FAT3: variants seen among roughly 807,000 people sequenced by gnomAD.
FAT3 encodes the protein FAT atypical cadherin 3, also known as protocadherin Fat 3.
In FAT3, 95 loss-of-function variants were observed where a neutral mutation model predicts 310.2. That is an observed-to-expected ratio of 0.31 (90% CI 0.26 to 0.36). FAT3 has a LOEUF of 0.36. FAT3 is among the 10% of genes least tolerant of loss of function. The pLI is 1.00. For synonymous variants in FAT3, 2,314 were observed against 2,192.9 expected (o/e 1.06, Z -1.54); for missense variants, 5,408 against 5,715.6 (o/e 0.95, Z 1.74).
intron 1 of FAT3, among the ~76,000 whole-genome samples, chr11:92,327,484 C>T (rs189483819): frequency 2.0e-5 from 3 of 152,292 alleles, no homozygotes; most frequent in South Asian, 2.1e-4. Context: ...ATTTTAAAAA[C>T]GCTTACTAGT....
chr11:92,245,345 G>T (rs1045786717), intron 1 of FAT3, among the ~76,000 whole-genome samples: 54 of 151,796 alleles, frequency 3.6e-4, no homozygotes, highest in Non-Finnish European at 3.5e-4. Flanking sequence ...CTGTCGGGGG[G>T]TGGCGGGCTA....
intron 6 of FAT3, 47 bp from the exon 7 acceptor site, chr11:92,773,994 A>G (rs773822417): frequency 1.2e-6 from 2 of 1,604,896 alleles, no homozygotes; most frequent in Non-Finnish European, 8.5e-7. Context: ...TAATGCATGT[A>G]ACAAGTTATC....
chr11:92,390,154 TGTAAA>T, intron 2 of FAT3, among the ~76,000 whole-genome samples: 1 of 152,098 alleles, frequency 6.6e-6, no homozygotes, highest in East Asian at 1.9e-4. Context: ...ATAAAGTTCT[TGTAAA>T]GTCAGGAATA....
At chr11:92,693,677 A>G (rs1943858502) in intron 3 of FAT3, among the ~76,000 whole-genome samples, 1 of 152,196 alleles carries the variant, frequency 6.6e-6, no homozygotes, top group Non-Finnish European at 1.5e-5. Context: ...GCTCATCGTA[A>G]GTAGGTACTT....
At position 92,735,312 on chromosome 11, in the gene FAT3, A is replaced by G. The variant is rs567294553; in HGVS notation, c.3670-26544A>G. Among the ~76,000 whole-genome samples the G allele has an allele frequency of 1.1e-4, 16 of 152,268 alleles. No individual in the cohort carries two copies. In the South Asian group the frequency reaches 3.3e-3, roughly 32 times the overall value. On this transcript the variant is annotated intron_variant, in intron 4 of 27. Coordinates refer to ENST00000525166, the MANE Select transcript of FAT3 (RefSeq NM_001367949.2). ...GGAGTTTTCAGAGAATAATCATGGC[A>G]GTTCACATAAGGGTCTTTCCTGGAA...
intron 4 of FAT3, among the ~76,000 whole-genome samples, chr11:92,756,838 G>GT (rs1376360671): frequency 6.8e-6 from 1 of 147,750 alleles, no homozygotes; most frequent in African/African-American, 2.5e-5. Context: ...GTTTCTTGTT[G>GT]TAATTGTCCT....
chr11:92,691,070 C>T (rs1370028876), intron 3 of FAT3, among the ~76,000 whole-genome samples: 2 of 152,150 alleles, frequency 1.3e-5, no homozygotes, highest in African/African-American at 4.8e-5. Context: ...CACTGCCGGG[C>T]ACAGAACCAT....
intron 1 of FAT3, among the ~76,000 whole-genome samples, chr11:92,297,104 A>T (rs980951222): frequency 3.9e-5 from 6 of 152,102 alleles, no homozygotes; most frequent in African/African-American, 1.4e-4. Context: ...GAAGAATTAG[A>T]TGGTTCACAG....
intron 9 of FAT3, among the ~76,000 whole-genome samples, chr11:92,793,392 G>T (rs978471994): frequency 6.6e-6 from 1 of 152,202 alleles, no homozygotes; most frequent in South Asian, 2.1e-4. Context: ...GTGAATAGGT[G>T]GTCTGTGGGC....
intron 1 of FAT3, among the ~76,000 whole-genome samples, chr11:92,320,869 CAA>C (rs1555010869): frequency 2.9e-5 from 3 of 104,736 alleles, no homozygotes; most frequent in African/African-American, 5.2e-5. Context: ...AACTCCATCT[CAA>C]AAAAAAAAAG....
intron 19 of FAT3, among the ~76,000 whole-genome samples, chr11:92,854,970 C>T (rs1009384369): frequency 1.3e-5 from 2 of 152,198 alleles, no homozygotes; most frequent in Non-Finnish European, 2.9e-5. Flanking sequence ...TGTTTCCATA[C>T]GTACTTGAAA....
At chr11:92,596,011 G>A (rs1256170038) in intron 3 of FAT3, among the ~76,000 whole-genome samples, 1 of 152,138 alleles carries the variant, frequency 6.6e-6, no homozygotes, top group African/African-American at 2.4e-5. Context: ...GGAGGGGATT[G>A]GAGTGACAGA....
At chr11:92,637,163 T>C (rs1212929068) in intron 3 of FAT3, among the ~76,000 whole-genome samples, 3 of 152,150 alleles carry the variant, frequency 2.0e-5, no homozygotes, top group Non-Finnish European at 4.4e-5. Context: ...AGACATTTCC[T>C]CTCTCACAAA....
At position 92,800,703 on chromosome 11, in the gene FAT3, C is replaced by T. The variant is rs1464232691; in HGVS notation, c.7690C>T (p.Leu2564=). The change falls in exon 10 of 28, where the codon CTA becomes TTA. Residue 2564 remains leucine (L), a synonymous_variant. Transcript: ENST00000525166. ...TTERLDRENP[L]EGDVSIFVRA... Reference sequence around the variant, plus strand: ...AGAAAGGCTAGACCGGGAAAACCCTCTAGAAGGGGATGTTAGTATTTTTGT... The same window carrying T: ...AGAAAGGCTAGACCGGGAAAACCCTTTAGAAGGGGATGTTAGTATTTTTGT... 1.2e-6 allele frequency: 2 copies of T among 1,613,682 alleles called. No homozygotes were observed. The highest frequency in any genetic ancestry group is 2.7e-5 in the African/African-American group (2 of 74,902).
At chr11:92,610,776 A>G (rs138795732) in intron 3 of FAT3, among the ~76,000 whole-genome samples, 1 of 152,298 alleles carries the variant, frequency 6.6e-6, no homozygotes, top group African/African-American at 2.4e-5. Context: ...GCTTCACAGA[A>G]TAAAGACCAT....
chr11:92,889,569 C>T (rs189210273), intron 26 of FAT3, among the ~76,000 whole-genome samples: 1 of 152,282 alleles, frequency 6.6e-6, no homozygotes, highest in Non-Finnish European at 1.5e-5. Flanking sequence ...AGCTGGGAAT[C>T]CTTAAGAAAT....
intron 4 of FAT3, among the ~76,000 whole-genome samples, chr11:92,755,609 G>A (rs2676161): frequency 0.79 from 120,641 of 152,208 alleles, 48,075 homozygotes; most frequent in Admixed American, 0.83. Flanking sequence ...GCCATTCCGA[G>A]GTGTATACAT....
chr11:92,273,787 C>T (rs941340486), intron 1 of FAT3, among the ~76,000 whole-genome samples: 6 of 152,158 alleles, frequency 3.9e-5, no homozygotes, highest in East Asian at 1.9e-4. Context: ...TGTTATTCTA[C>T]GAAGATACAA....
chr11:92,875,372 T>G, intron 22 of FAT3, among the ~76,000 whole-genome samples: 1 of 59,710 alleles, frequency 1.7e-5, no homozygotes, highest in Admixed American at 1.9e-4. Flanking sequence ...AGTGTGGTTG[T>G]TAGAAATACA....
Sources: gnomAD v4.1 joint callset for allele counts (sites outside exome capture counted in the v4.1 genomes callset) on GRCh38, gnomAD v4.1.1 for gene constraint, MANE v1.5 for transcripts, NCBI Gene and HGNC (gene_info 2026-07-23, HGNC 2026-07-21) for gene names.